The following KIF16B variants were observed in gnomAD, a reference collection of about 807,000 sequenced individuals.
KIF16B encodes kinesin family member 16B.
Under a neutral mutation model 156.3 loss-of-function variants are expected in KIF16B, and 98 were observed. The observed-to-expected ratio is 0.63, with a 90% CI of 0.53 to 0.74. The LOEUF (loss-of-function observed/expected upper bound fraction) is 0.74, where lower values mean the gene tolerates loss of function less well. Ranked by LOEUF, KIF16B falls within the 30% of genes least tolerant of loss-of-function variation. The pLI, the probability that KIF16B is intolerant of heterozygous loss-of-function variation, is 0.00. For synonymous variants in KIF16B, 564 were observed against 583.7 expected (o/e 0.97, Z 0.49); for missense variants, 1,421 against 1,606.5 (o/e 0.88, Z 1.97).
chr20:16,448,850 C>G (rs1463451484), intron 12 of KIF16B, among the ~76,000 whole-genome samples: 1 of 148,312 alleles, frequency 6.7e-6, no homozygotes, highest in Non-Finnish European at 1.5e-5. Flanking sequence ...AAAACATGAC[C>G]TTAAGAAAAA....
At chr20:16,347,947 T>C (rs915052593) in intron 23 of KIF16B, among the ~76,000 whole-genome samples, 6 of 152,242 alleles carry the variant, frequency 3.9e-5, no homozygotes, top group African/African-American at 1.2e-4. Context: ...CTCTTATTTC[T>C]GTTCTGCCAA....
chr20:16,275,725 G>A (rs1278103365), intron 25 of KIF16B, among the ~76,000 whole-genome samples: 1 of 152,180 alleles, frequency 6.6e-6, no homozygotes, highest in African/African-American at 2.4e-5. Flanking sequence ...ATCAACTGCT[G>A]AAAAGTGAAG....
chr20:16,519,313 C>T (rs1353062756), intron 3 of KIF16B, among the ~76,000 whole-genome samples: 3 of 152,146 alleles, frequency 2.0e-5, no homozygotes, highest in Non-Finnish European at 2.9e-5. Flanking sequence ...GACAGGGACT[C>T]GCTATATTGC....
chr20:16,419,039 C>T (rs541449895), intron 15 of KIF16B, among the ~76,000 whole-genome samples: 30 of 151,968 alleles, frequency 2.0e-4, no homozygotes, highest in Non-Finnish European at 4.0e-4. Context: ...GACTGCAGGG[C>T]CTGATCCCTA....
At chr20:16,358,900 C>T (rs1242877423) in intron 22 of KIF16B, among the ~76,000 whole-genome samples, 1 of 152,206 alleles carries the variant, frequency 6.6e-6, no homozygotes, top group Non-Finnish European at 1.5e-5. Context: ...TGAAACATTG[C>T]TATTTTACTG....
At chr20:16,405,637 C>T (rs937842647) in intron 16 of KIF16B, among the ~76,000 whole-genome samples, 2 of 152,108 alleles carry the variant, frequency 1.3e-5, no homozygotes, top group East Asian at 1.9e-4. Flanking sequence ...CCCCATTTGC[C>T]GGCTACAGAA....
At chr20:16,342,195 C>T (rs1035143494) in intron 23 of KIF16B, among the ~76,000 whole-genome samples, 1 of 151,922 alleles carries the variant, frequency 6.6e-6, no homozygotes, top group Non-Finnish European at 1.5e-5. Context: ...ATATTAATTA[C>T]ATAATTAATG....
intron 12 of KIF16B, among the ~76,000 whole-genome samples, chr20:16,481,552 T>TTA (rs1249112697): frequency 1.3e-5 from 2 of 152,224 alleles, no homozygotes; most frequent in Admixed American, 6.5e-5. Context: ...GAAATAGGAC[T>TTA]TAGCAACCTA....
chr20:16,493,041 T>C (rs915157387), intron 12 of KIF16B, among the ~76,000 whole-genome samples: 1 of 152,146 alleles, frequency 6.6e-6, no homozygotes, highest in African/African-American at 2.4e-5. Context: ...ATTTGCTCAG[T>C]TTCCTGCACA....
At chr20:16,563,201 T>C (rs1015210139) in intron 1 of KIF16B, among the ~76,000 whole-genome samples, 2 of 152,206 alleles carry the variant, frequency 1.3e-5, no homozygotes, top group Non-Finnish European at 2.9e-5. Flanking sequence ...CCAGGGATAA[T>C]AGGAGTGACC....
chr20:16,434,859 A>C (rs940455549), intron 12 of KIF16B, among the ~76,000 whole-genome samples: 3 of 152,142 alleles, frequency 2.0e-5, no homozygotes, highest in Non-Finnish European at 4.4e-5. Context: ...AAGTGCACAT[A>C]ATTTCTGCAA....
chr20:16,500,195 C>T (rs965478418), intron 10 of KIF16B, among the ~76,000 whole-genome samples: 30 of 152,264 alleles, frequency 2.0e-4, no homozygotes, highest in Admixed American at 5.2e-4. Context: ...AACATGTATA[C>T]GTATACCCAT....
intron 17 of KIF16B, among the ~76,000 whole-genome samples, chr20:16,385,985 C>T (rs192917216): frequency 6.6e-6 from 1 of 152,286 alleles, no homozygotes; most frequent in African/African-American, 2.4e-5. Flanking sequence ...CTCAGTTTTA[C>T]ACTTATAGAA....
At position 16,272,812 on chromosome 20, in the gene KIF16B, G is replaced by A. The variant is rs1429900468; in HGVS notation, c.*441C>T. 1 of 153,572 alleles carries A rather than the reference G, an allele frequency of 6.5e-6. No homozygotes were observed. The highest frequency in any genetic ancestry group is 1.5e-5 in the Non-Finnish European group (1 of 68,866). The allele number at this position is 153,572 out of a possible 1,614,324, so 9.5% of individuals were successfully genotyped here. On this transcript the variant is annotated 3_prime_UTR_variant, in exon 26 of 26. Transcript: ENST00000354981. ...TTGGAATATAGCCAGCCACATGGAA[G>A]AAATATAAAAAATACGAGTATATTT... is the stretch of plus-strand genomic sequence containing the variant.
intron 17 of KIF16B, among the ~76,000 whole-genome samples, chr20:16,384,475 GGCAAGACATGAA>G (rs1442842182): frequency 2.6e-5 from 4 of 152,176 alleles, no homozygotes; most frequent in African/African-American, 9.7e-5. Flanking sequence ...TAGGAGAGGT[GGCAAGACATGAA>G]GCTCAAGAGG....
chr20:16,329,958 T>G (rs367787207), intron 24 of KIF16B, among the ~76,000 whole-genome samples: 1 of 152,206 alleles, frequency 6.6e-6, no homozygotes, highest in African/African-American at 2.4e-5. Context: ...AGCAAATCTG[T>G]CCTTCTTCAG....
Position 16,504,418 on chromosome 20 carries a change from C to T in KIF16B, c.1130G>A (p.Arg377Gln), listed in dbSNP as rs182061575. Residue 377 changes from arginine (R) to glutamine (Q), a missense_variant, in exon 10 of 26, where the codon CGA (arginine) becomes CAA (glutamine). Arg to Gln is a conservative substitution (Grantham distance 43). Coordinates refer to ENST00000354981, the MANE Select transcript of KIF16B (RefSeq NM_024704.5). ...DANVKLIREL[R>Q]AEIARLKTLL... ...CGTTTTCAGTCTGGCTATTTCAGCT[C>T]GCAGCTCACGGATAAGTTTGACGTT... 1,860 of 1,614,042 alleles carry T rather than the reference C, an allele frequency of 1.2e-3. 17 individuals carry two copies. Among genetic ancestry groups the T allele is most frequent in the Non-Finnish European group, 1.8e-4 (218 of 1,179,978 alleles).
intron 1 of KIF16B, among the ~76,000 whole-genome samples, chr20:16,530,844 G>A (rs1308248523): frequency 6.6e-6 from 1 of 152,042 alleles, no homozygotes; most frequent in Non-Finnish European, 1.5e-5. Context: ...TTTGACTACA[G>A]GCACGCACCA....
chr20:16,367,875 C>G, intron 22 of KIF16B: 1 of 1,537,890 alleles, frequency 6.5e-7, no homozygotes, highest in Non-Finnish European at 8.7e-7. Context: ...GCAGAAGACC[C>G]TCTGCAGAGC....
Sources: allele counts gnomAD v4.1 joint callset (sites outside exome capture counted in the v4.1 genomes callset), GRCh38; gene constraint gnomAD v4.1.1; transcripts MANE v1.5; gene names NCBI Gene and HGNC (gene_info 2026-07-23, HGNC 2026-07-21).